SHC4: variants seen among roughly 807,000 people sequenced by gnomAD.
SHC4 encodes the protein SHC-transforming protein 4.
A neutral mutation model predicts 69.4 loss-of-function variants in SHC4; 41 were observed. The ratio of observed to expected loss-of-function variants is 0.59; its 90% CI spans 0.46 to 0.77. The LOEUF is 0.77. Among genes scored for constraint, SHC4 ranks in the 30% least tolerant of loss-of-function variants. The pLI, the probability that SHC4 is intolerant of heterozygous loss-of-function variation, is 0.00. For synonymous variants in SHC4, 318 were observed against 299.3 expected (o/e 1.06, Z -0.64); for missense variants, 777 against 783.8 (o/e 0.99, Z 0.10).
chr15:48,950,240 T>C (rs908834068), intron 1 of SHC4, among the ~76,000 whole-genome samples: 6 of 146,672 alleles, frequency 4.1e-5, no homozygotes, highest in African/African-American at 1.5e-4. Context: ...TTATATATTA[T>C]TAAATTTCAT....
At chr15:48,943,818 T>C (rs1461004538) in intron 1 of SHC4, among the ~76,000 whole-genome samples, 1 of 152,094 alleles carries the variant, frequency 6.6e-6, no homozygotes, top group African/African-American at 2.4e-5. Flanking sequence ...TCCCATATAG[T>C]TTTGATTTGC....
intron 4 of SHC4, among the ~76,000 whole-genome samples, chr15:48,880,942 T>A (rs999746935): frequency 6.6e-6 from 1 of 151,838 alleles, no homozygotes; most frequent in African/African-American, 2.4e-5. Context: ...AACAATTGGA[T>A]GTACCTTACA....
At chr15:48,944,501 C>G (rs953268708) in intron 1 of SHC4, among the ~76,000 whole-genome samples, 3 of 152,102 alleles carry the variant, frequency 2.0e-5, no homozygotes, top group Non-Finnish European at 4.4e-5. Flanking sequence ...CTCTAGCAGC[C>G]TTGTTGCAAT....
At chr15:48,871,421 G>T (rs1899675424) in intron 5 of SHC4, among the ~76,000 whole-genome samples, 1 of 152,210 alleles carries the variant, frequency 6.6e-6, no homozygotes, top group Non-Finnish European at 1.5e-5. Context: ...TTCTTGCTCA[G>T]TTGCAGGCTC....
chr15:48,833,121 A>G (rs1898835072), intron 11 of SHC4, among the ~76,000 whole-genome samples: 1 of 152,076 alleles, frequency 6.6e-6, no homozygotes, highest in African/African-American at 2.4e-5. Context: ...GTTGGGATCT[A>G]TGCATTTGAA....
intron 3 of SHC4, among the ~76,000 whole-genome samples, chr15:48,890,073 T>A (rs1900108329): frequency 6.6e-6 from 1 of 152,190 alleles, no homozygotes; most frequent in South Asian, 2.1e-4. Context: ...ATCACTTCGT[T>A]TATTTCTTAC....
In SHC4 at chr15:48,890,782, A is replaced by T; in HGVS notation, c.686T>A (p.Val229Asp). Residue 229 changes from valine to aspartate, a missense_variant, in exon 3 of 12, where the codon GTC becomes GAC. By Grantham distance (152) the Val-to-Asp change is radical. Coordinates refer to ENST00000332408, the MANE Select transcript of SHC4 (RefSeq NM_203349.4). ...REAISRLCEA[V>D]PGANGAIKKR... ...TTTAATGGCTCCATTTGCCCCGGGG[A>T]CAGCTTCACACAGGCGACTTATTGC... 6.2e-7 allele frequency: 1 copy of T among 1,614,198 alleles called. No individual in the cohort carries two copies. The highest frequency in any genetic ancestry group is 8.5e-7 in the Non-Finnish European group (1 of 1,180,028).
intron 4 of SHC4, among the ~76,000 whole-genome samples, chr15:48,873,538 A>G (rs1567058243): frequency 6.6e-6 from 1 of 152,104 alleles, no homozygotes; most frequent in African/African-American, 2.4e-5. Context: ...AGGTCAGGAG[A>G]TTGAGACCAT....
At chr15:48,881,554 T>C (rs1281751600) in intron 4 of SHC4, among the ~76,000 whole-genome samples, 1 of 152,176 alleles carries the variant, frequency 6.6e-6, no homozygotes, top group Non-Finnish European at 1.5e-5. Context: ...CCTCTAAATA[T>C]CTCAAGTTGC....
intron 11 of SHC4, among the ~76,000 whole-genome samples, chr15:48,834,009 T>C (rs1371203922): frequency 1.3e-5 from 2 of 152,202 alleles, no homozygotes; most frequent in Non-Finnish European, 2.9e-5. Context: ...TATTCTGCCA[T>C]CTTGCTGATG....
intron 2 of SHC4, among the ~76,000 whole-genome samples, chr15:48,923,920 C>T (rs1567071154): frequency 6.6e-6 from 1 of 152,090 alleles, no homozygotes; most frequent in Admixed American, 6.5e-5. Flanking sequence ...GGATTACAAG[C>T]GTGAGCCACT....
chr15:48,876,634 T>C, intron 4 of SHC4: 1 of 693,618 alleles, frequency 1.4e-6, no homozygotes, highest in East Asian at 2.7e-5. Flanking sequence ...AACTTGGGAA[T>C]CCAATGTTCG....
At chr15:48,952,600 T>C (rs1345606474) in intron 1 of SHC4, among the ~76,000 whole-genome samples, 1 of 152,036 alleles carries the variant, frequency 6.6e-6, no homozygotes, top group African/African-American at 2.4e-5. Context: ...AAAAAACCCA[T>C]TGAAAAATGG....
chr15:48,930,445 G>C (rs936706122), intron 1 of SHC4, among the ~76,000 whole-genome samples: 1 of 152,158 alleles, frequency 6.6e-6, no homozygotes, highest in African/African-American at 2.4e-5. Context: ...TATTTTTCAA[G>C]AGAAGTTTAA....
intron 6 of SHC4, among the ~76,000 whole-genome samples, chr15:48,866,013 A>G (rs567133977): frequency 1.3e-5 from 2 of 152,202 alleles, no homozygotes; most frequent in Non-Finnish European, 2.9e-5. Flanking sequence ...TTTACTTAAG[A>G]GCAATGACAT....
At chr15:48,928,206 T>C (rs1403259894) in intron 1 of SHC4, among the ~76,000 whole-genome samples, 1 of 152,122 alleles carries the variant, frequency 6.6e-6, no homozygotes, top group Non-Finnish European at 1.5e-5. Context: ...TTCTCAGCAA[T>C]GTACTTCATG....
At chr15:48,932,779 C>T (rs1900992889) in intron 1 of SHC4, among the ~76,000 whole-genome samples, 1 of 152,084 alleles carries the variant, frequency 6.6e-6, no homozygotes, top group Non-Finnish European at 1.5e-5. Context: ...ATAAAACTTC[C>T]TTTGCTAATA....
chr15:48,914,344 T>C (rs1348428477), intron 2 of SHC4, among the ~76,000 whole-genome samples: 1 of 152,194 alleles, frequency 6.6e-6, no homozygotes, highest in Non-Finnish European at 1.5e-5. Flanking sequence ...AGCTGTGTGG[T>C]CTTAGAATGG....
chr15:48,958,726 A>T (rs1402355447), intron 1 of SHC4, among the ~76,000 whole-genome samples: 2 of 152,194 alleles, frequency 1.3e-5, no homozygotes, highest in Non-Finnish European at 2.9e-5. Flanking sequence ...TATGTTGGGC[A>T]CCTGGGAGAC....
Sources: allele counts gnomAD v4.1 joint callset (sites outside exome capture counted in the v4.1 genomes callset), GRCh38; gene constraint gnomAD v4.1.1; transcripts MANE v1.5; gene names NCBI Gene and HGNC (gene_info 2026-07-23, HGNC 2026-07-21).